Variants in RNF216 observed in about 807,000 individuals in gnomAD.
RNF216 encodes the protein ring finger protein 216, also known as E3 ubiquitin-protein ligase RNF216.
Under a neutral mutation model 110.8 loss-of-function variants are expected in RNF216, and 72 were observed. The observed-to-expected ratio is 0.65, with a 90% confidence interval of 0.54 to 0.79. The LOEUF is 0.79. Ranked by LOEUF, RNF216 falls within the 30% of genes least tolerant of loss-of-function variation. The pLI is 0.00. For synonymous variants in RNF216, 495 were observed against 407.5 expected (o/e 1.21, Z -2.59); for missense variants, 1,342 against 1,141.2 (o/e 1.18, Z -2.54).
At chr7:5,770,717 G>C (rs77881880) in intron 1 of RNF216, among the ~76,000 whole-genome samples, 5,442 of 151,718 alleles carry the variant, frequency 0.036, 160 homozygotes, top group East Asian at 0.066. Context: ...AGGAGATATT[G>C]TATTACTATT....
At chr7:5,734,978 C>G (rs183373363) in intron 5 of RNF216, among the ~76,000 whole-genome samples, 1 of 151,618 alleles carries the variant, frequency 6.6e-6, no homozygotes, top group African/African-American at 2.4e-5. Flanking sequence ...TGGTGAAACC[C>G]TATCTCTACT....
chr7:5,664,870 A>G (rs1195872709), intron 13 of RNF216, among the ~76,000 whole-genome samples: 1 of 152,168 alleles, frequency 6.6e-6, no homozygotes, highest in Admixed American at 6.5e-5. Flanking sequence ...ATCTTGGCTC[A>G]CCGCAACCTC....
intron 8 of RNF216, among the ~76,000 whole-genome samples, chr7:5,722,135 G>C (rs1213585111): frequency 2.0e-5 from 3 of 152,124 alleles, no homozygotes; most frequent in African/African-American, 7.2e-5. Flanking sequence ...ATGTTGTCCA[G>C]GCTGGTCTTG....
chr7:5,740,104 CTTTTTTTTTTTTTTTTTTTTTTTT>C (rs71004698), intron 4 of RNF216, among the ~76,000 whole-genome samples: 97,592 of 118,756 alleles, frequency 0.82, 40,434 homozygotes, highest in Middle Eastern at 0.92. Flanking sequence ...GATGTAACAC[CTTTTTTTTTTTTTTTTTTTTTTTT>C]TTTTTTTTTT....
chr7:5,752,561 A>C (rs1795387365), intron 3 of RNF216, among the ~76,000 whole-genome samples: 1 of 152,268 alleles, frequency 6.6e-6, no homozygotes, highest in Non-Finnish European at 1.5e-5. Context: ...TATGGAAAAT[A>C]TAAGGCCAAT....
At chr7:5,712,038 G>A in intron 12 of RNF216, 199 bp from the exon 13 acceptor site, 1 of 575,938 alleles carries the variant, frequency 1.7e-6, no homozygotes, top group East Asian at 2.9e-5. Context: ...AGCACCACAT[G>A]AGGTCCTGAC....
At chr7:5,746,145 G>A (rs1795018664) in intron 3 of RNF216, among the ~76,000 whole-genome samples, 1 of 152,186 alleles carries the variant, frequency 6.6e-6, no homozygotes, top group African/African-American at 2.4e-5. Context: ...AGCTGCAAGT[G>A]TCGGAAGTCC....
chr7:5,685,364 G>T (rs1209666190), intron 13 of RNF216, among the ~76,000 whole-genome samples: 3 of 152,192 alleles, frequency 2.0e-5, no homozygotes, highest in Admixed American at 2.0e-4. Context: ...TCCATGCTCT[G>T]TTGGCCTGTG....
Position 5,741,357 on chromosome 7 carries a change from A to G in RNF216, c.660T>C (p.Asp220=), listed in dbSNP as rs1454489340. 3 of 1,614,190 alleles carry G rather than the reference A, an allele frequency of 1.9e-6. No homozygotes were observed. Among genetic ancestry groups the G allele is most frequent in the African/African-American group, 1.3e-5 (1 of 75,044 alleles). The change falls in exon 4 of 17, where the codon GAT becomes GAC. Residue 220 remains aspartate, a synonymous_variant. Transcript: ENST00000389902. ...AGCAGTCTTCTTCGATGGCCTGATC[A>G]TCTGCTAGAGCAGCTGACTCTCCTA... ...SNLGESAALA[D]DQAIEEDCWL...
At position 5,623,150 on chromosome 7, in the gene RNF216, G is replaced by C. The variant is rs770154314; in HGVS notation, c.2482C>G (p.Leu828Val). Residue 828 changes from leucine (L) to valine (V), a missense_variant, in exon 17 of 17, where the codon CTG becomes GTG. Physicochemically the swap from Leu to Val is conservative, Grantham distance 32 (BLOSUM62 1). Coordinates refer to ENST00000389902, the MANE Select transcript of RNF216 (RefSeq NM_207111.4). ...TGCACCTTCTCCACAGGCTTCTCCA[G>C]CGGGGGTCCAATGCGTTTGAAGGTG... Reference protein sequence around the residue: ...ENTFKRIGPPLEKPVEKVQRV... With the variant: ...ENTFKRIGPPVEKPVEKVQRV... The C allele has an allele frequency of 6.3e-7, 1 of 1,581,084 alleles. No individual in the cohort carries two copies. The highest frequency in any genetic ancestry group is 8.6e-7 in the Non-Finnish European group (1 of 1,158,030).
At chr7:5,758,151 G>C (rs530679974) in intron 2 of RNF216, among the ~76,000 whole-genome samples, 2 of 152,270 alleles carry the variant, frequency 1.3e-5, no homozygotes, top group East Asian at 1.9e-4. Context: ...TAAAGAAACT[G>C]TTCAAGTATA....
chr7:5,649,528 T>C (rs1788257847), intron 14 of RNF216: 1 of 151,854 alleles, frequency 6.6e-6, no homozygotes, highest in Non-Finnish European at 1.5e-5. Context: ...AAAAAAACGT[T>C]TTGACATCTG....
At position 5,641,480 on chromosome 7, in the gene RNF216, C is replaced by CT. The variant is rs111520255; in HGVS notation, c.2160-105dup. The CT allele has an allele frequency of 6.1e-4, 576 of 948,044 alleles. 10 individuals are homozygous for CT. In the African/African-American group the frequency reaches 7.1e-3, roughly 12 times the overall value. 58.7% of individuals were successfully genotyped at this position (948,044 alleles called of 1,614,324 possible). A position where few individuals can be genotyped will look rare whatever the true frequency, so the allele number is the denominator to read the frequency against. ...TTTCACATAAAATGATCACTTATGG[C>CT]TTTTTTGTGACATTAAACAGTGAAA... On this transcript the variant is annotated intron_variant, in intron 14 of 16. Coordinates refer to ENST00000389902, the MANE Select transcript of RNF216 (RefSeq NM_207111.4).
chr7:5,766,677 ATGCTATTTTGT>A (rs888097212), intron 1 of RNF216, among the ~76,000 whole-genome samples: 4 of 152,222 alleles, frequency 2.6e-5, no homozygotes, highest in African/African-American at 7.2e-5. Flanking sequence ...CACCCAGCTG[ATGCTATTTTGT>A]TAGTCTATGG....
intron 9 of RNF216, among the ~76,000 whole-genome samples, 166 bp from the exon 10 acceptor site, chr7:5,716,932 A>C (rs1793100554): frequency 6.6e-6 from 1 of 152,272 alleles, no homozygotes; most frequent in African/African-American, 2.4e-5. Context: ...TGGATCAGAG[A>C]GCTAGAAAAT....
intron 13 of RNF216, among the ~76,000 whole-genome samples, chr7:5,690,320 T>C (rs1791255597): frequency 1.4e-5 from 2 of 139,780 alleles, no homozygotes; most frequent in Admixed American, 1.4e-4. Context: ...AGAGTGAAAT[T>C]CCATCTCAAA....
At chr7:5,631,852 C>G (rs1787091372) in intron 15 of RNF216, among the ~76,000 whole-genome samples, 1 of 152,234 alleles carries the variant, frequency 6.6e-6, no homozygotes, top group South Asian at 2.1e-4. Context: ...CAAGCCCACT[C>G]AGATTCCATT....
At chr7:5,733,379 G>A (rs1794202336) in intron 5 of RNF216, among the ~76,000 whole-genome samples, 3 of 152,168 alleles carry the variant, frequency 2.0e-5, no homozygotes, top group Admixed American at 2.0e-4. Flanking sequence ...CAGGAAGTAG[G>A]AGAACAGAAC....
chr7:5,762,692 G>A (rs924188795), intron 1 of RNF216, among the ~76,000 whole-genome samples: 2 of 150,690 alleles, frequency 1.3e-5, no homozygotes, highest in East Asian at 1.9e-4. Flanking sequence ...ACTCTGTCTC[G>A]AAAACAAACA....
Sources: allele counts gnomAD v4.1 joint callset (sites outside exome capture counted in the v4.1 genomes callset), GRCh38; gene constraint gnomAD v4.1.1; transcripts MANE v1.5; gene names NCBI Gene and HGNC (gene_info 2026-07-23, HGNC 2026-07-21).